Variants in NCAM2 observed in about 807,000 individuals in gnomAD.
The protein encoded by NCAM2 is N-CAM-2.
In NCAM2, 30 loss-of-function variants were observed where a neutral mutation model predicts 98.1. The observed-to-expected ratio is 0.31, with a 90% CI of 0.23 to 0.41. The LOEUF (loss-of-function observed/expected upper bound fraction) is 0.41, where lower values mean the gene tolerates loss of function less well. NCAM2 is among the 10% of genes least tolerant of loss of function. NCAM2 has a pLI of 1.00. For synonymous variants in NCAM2, 368 were observed against 342.4 expected (o/e 1.07, Z -0.83); for missense variants, 867 against 1,005.8 (o/e 0.86, Z 1.87).
intron 1 of NCAM2, among the ~76,000 whole-genome samples, chr21:21,119,133 A>G (rs1254181818): frequency 6.6e-6 from 1 of 152,182 alleles, no homozygotes; most frequent in Non-Finnish European, 1.5e-5. Flanking sequence ...TGCATTTGAA[A>G]TTCATTCAGA....
At chr21:21,285,330 A>G (rs570375702) in intron 3 of NCAM2, among the ~76,000 whole-genome samples, 28 of 151,978 alleles carry the variant, frequency 1.8e-4, no homozygotes, top group African/African-American at 6.5e-4. Flanking sequence ...CAAAGTCGGA[A>G]CATTCCTACA....
intron 16 of NCAM2, among the ~76,000 whole-genome samples, chr21:21,512,313 T>C (rs1189972044): frequency 6.6e-6 from 1 of 152,056 alleles, no homozygotes; most frequent in Non-Finnish European, 1.5e-5. Context: ...TATATATGGA[T>C]GTCCAGATTT....
intron 1 of NCAM2, among the ~76,000 whole-genome samples, chr21:21,156,578 T>G (rs936758302): frequency 5.5e-5 from 6 of 108,624 alleles, no homozygotes; most frequent in South Asian, 3.2e-4. Flanking sequence ...AATAGATAGA[T>G]TATAGATAGA....
intron 1 of NCAM2, among the ~76,000 whole-genome samples, chr21:21,083,241 GAATA>G (rs1215045378): frequency 6.6e-6 from 1 of 152,090 alleles, no homozygotes; most frequent in Non-Finnish European, 1.5e-5. Context: ...CTGAATGAAT[GAATA>G]AAGTTGTATC....
chr21:21,163,725 A>G (rs1157042862), intron 1 of NCAM2, among the ~76,000 whole-genome samples: 2 of 152,164 alleles, frequency 1.3e-5, no homozygotes, highest in African/African-American at 2.4e-5. Context: ...TGTGTTATCT[A>G]TGTAATCATT....
At chr21:21,124,269 A>AT (rs2066740884) in intron 1 of NCAM2, among the ~76,000 whole-genome samples, 1 of 152,144 alleles carries the variant, frequency 6.6e-6, no homozygotes, top group Non-Finnish European at 1.5e-5. Context: ...TTTCCATAAT[A>AT]TTTTTAAATT....
chr21:21,299,582 T>TCTCCTTCC (rs1482584877), intron 5 of NCAM2, among the ~76,000 whole-genome samples: 1 of 151,608 alleles, frequency 6.6e-6, no homozygotes, highest in South Asian at 2.1e-4. Context: ...TCTCTCTTTC[T>TCTCCTTCC]CTCCTTCCCT....
intron 1 of NCAM2, among the ~76,000 whole-genome samples, chr21:21,024,274 C>G (rs1420023231): frequency 6.6e-6 from 1 of 152,124 alleles, no homozygotes; most frequent in African/African-American, 2.4e-5. Context: ...GATATCAGTT[C>G]CTTTATGATA....
intron 6 of NCAM2, among the ~76,000 whole-genome samples, chr21:21,329,883 T>C (rs1324935397): frequency 6.6e-6 from 1 of 152,174 alleles, no homozygotes. Flanking sequence ...GCTTAGATGA[T>C]TAACGCAATT....
At chr21:21,531,637 A>G (rs1049883693) in intron 16 of NCAM2, among the ~76,000 whole-genome samples, 2 of 152,120 alleles carry the variant, frequency 1.3e-5, no homozygotes, top group African/African-American at 2.4e-5. Context: ...TAACCAGTCT[A>G]TACATTGTGA....
At chr21:21,312,390 A>G (rs1365788145) in intron 5 of NCAM2, among the ~76,000 whole-genome samples, 1 of 151,236 alleles carries the variant, frequency 6.6e-6, no homozygotes, top group Non-Finnish European at 1.5e-5. Flanking sequence ...CAATTAATTT[A>G]TCCACCTAAC....
chr21:21,103,806 T>C (rs1403207945), intron 1 of NCAM2, among the ~76,000 whole-genome samples: 1 of 152,082 alleles, frequency 6.6e-6, no homozygotes, highest in East Asian at 1.9e-4. Flanking sequence ...GAAACTTGCC[T>C]AAAGTTAGTC....
At chr21:21,529,252 C>A (rs1284235361) in intron 16 of NCAM2, among the ~76,000 whole-genome samples, 4 of 152,028 alleles carry the variant, frequency 2.6e-5, no homozygotes, top group African/African-American at 9.7e-5. Context: ...ACTTGAATCA[C>A]AAGCAATTAA....
intron 16 of NCAM2, among the ~76,000 whole-genome samples, chr21:21,518,431 T>C (rs1425654484): frequency 6.6e-6 from 1 of 152,146 alleles, no homozygotes; most frequent in Admixed American, 6.5e-5. Flanking sequence ...AGAGACATGG[T>C]AAATACAGTG....
At chr21:21,519,606 C>T (rs1257369588) in intron 16 of NCAM2, among the ~76,000 whole-genome samples, 1 of 151,994 alleles carries the variant, frequency 6.6e-6, no homozygotes, top group Non-Finnish European at 1.5e-5. Flanking sequence ...TTTTTAAAAC[C>T]TGCTGAGTTT....
At chr21:21,471,701 C>T (rs1984460197) in intron 14 of NCAM2, among the ~76,000 whole-genome samples, 1 of 151,950 alleles carries the variant, frequency 6.6e-6, no homozygotes. Flanking sequence ...GACACTGAAT[C>T]TAAGCCTTTA....
At chr21:21,376,525 A>G (rs780655789) in intron 9 of NCAM2, among the ~76,000 whole-genome samples, 1 of 151,874 alleles carries the variant, frequency 6.6e-6, no homozygotes, top group African/African-American at 2.4e-5. Context: ...AAATGCTAAT[A>G]CATAATTACA....
At chr21:21,042,663 C>T (rs571142743) in intron 1 of NCAM2, among the ~76,000 whole-genome samples, 4 of 152,248 alleles carry the variant, frequency 2.6e-5, no homozygotes, top group South Asian at 4.1e-4. Context: ...GTCTGAACTG[C>T]TCCCCTCAGG....
intron 10 of NCAM2, among the ~76,000 whole-genome samples, chr21:21,413,751 C>T (rs534430356): frequency 4.5e-4 from 68 of 152,194 alleles, no homozygotes; most frequent in African/African-American, 1.3e-3. Context: ...ATTGGTGAAG[C>T]GTTTTGTCGC....
Sources: allele counts gnomAD v4.1 joint callset (sites outside exome capture counted in the v4.1 genomes callset), GRCh38; gene constraint gnomAD v4.1.1; transcripts MANE v1.5; gene names NCBI Gene and HGNC (gene_info 2026-07-23, HGNC 2026-07-21).